TET1: variants seen among roughly 807,000 people sequenced by gnomAD.
The protein encoded by TET1 is tet methylcytosine dioxygenase 1, also known as methylcytosine dioxygenase TET1.
Under a neutral mutation model 148.7 loss-of-function variants are expected in TET1, and 13 were observed. That is an observed-to-expected ratio of 0.09 (90% CI 0.06 to 0.14). TET1 has a LOEUF of 0.14. TET1 is among the 10% of genes least tolerant of loss of function. The pLI is 1.00. For missense variants in TET1, 2,182 were observed against 2,553.8 expected (o/e 0.85, Z 3.14); for synonymous variants, 907 against 937.2 (o/e 0.97, Z 0.59).
At chr10:68,665,833 C>T (rs2055189479) in intron 6 of TET1, among the ~76,000 whole-genome samples, 1 of 152,112 alleles carries the variant, frequency 6.6e-6, no homozygotes, top group African/African-American at 2.4e-5. Flanking sequence ...GCCAACTCTA[C>T]TCAAGGGATG....
At chr10:68,640,548 T>TTTTC in intron 3 of TET1, among the ~76,000 whole-genome samples, 1 of 69,426 alleles carries the variant, frequency 1.4e-5, no homozygotes, top group Admixed American at 1.6e-4. Context: ...TTCTTTCTTT[T>TTTTC]TTTTTTTTTT....
rs764575804 is a variant in TET1 at position 68,687,008 on chromosome 10, G to A, written c.5404+301G>A. ...GTTCACGCCATTCTCCTGCCTCAGC[G>A]TCCTGCTTAGCTGGGACCACAGGCG... On this transcript the variant is annotated intron_variant, in intron 11 of 11. Transcript: ENST00000373644. Among the ~76,000 whole-genome samples, 354 of 151,622 alleles carry A rather than the reference G, an allele frequency of 2.3e-3. 11 individuals are homozygous for A. The highest frequency in any genetic ancestry group is 7.4e-4 in the Non-Finnish European group (50 of 67,916).
chr10:68,692,809 G>A lies in TET1; in HGVS notation c.*995G>A, dbSNP rs2055610842. ...TCCCACCTTTCTCAGTATAATCCATGAGAGGTGTTTCCAAAAGGAGATGAG... is the reference window on the plus strand; with the variant it reads ...TCCCACCTTTCTCAGTATAATCCATAAGAGGTGTTTCCAAAAGGAGATGAG... On this transcript the variant is annotated 3_prime_UTR_variant, in exon 12 of 12. Coordinates refer to ENST00000373644, the MANE Select transcript of TET1 (RefSeq NM_030625.3). 1 of 231,502 alleles carries A rather than the reference G, an allele frequency of 4.3e-6. No homozygotes were observed. The highest frequency in any genetic ancestry group is 8.5e-6 in the Non-Finnish European group (1 of 117,130). The allele number at this position is 231,502 out of a possible 1,614,324, so 14.3% of individuals were successfully genotyped here. A position where few individuals can be genotyped will look rare whatever the true frequency, so the allele number is the denominator to read the frequency against.
chr10:68,571,470 ATT>A (rs34243741), intron 1 of TET1, among the ~76,000 whole-genome samples: 3 of 136,150 alleles, frequency 2.2e-5, no homozygotes, highest in Non-Finnish European at 1.6e-5. Context: ...CACTCAGCTA[ATT>A]TTTTTTTTTT....
At chr10:68,679,106 G>T (rs1378113953) in intron 8 of TET1, among the ~76,000 whole-genome samples, 3 of 152,182 alleles carry the variant, frequency 2.0e-5, no homozygotes, top group Admixed American at 6.5e-5. Flanking sequence ...GAACCTGGGA[G>T]GTGGAGGATA....
intron 7 of TET1, 21 bp downstream of exon 7, chr10:68,667,277 C>T (rs1346007058): frequency 2.5e-6 from 4 of 1,585,084 alleles, no homozygotes; most frequent in South Asian, 1.1e-5. Context: ...CTGTTTTATA[C>T]TGCCTTACCA....
chr10:68,625,378 G>T (rs1490860919), intron 3 of TET1, among the ~76,000 whole-genome samples: 2 of 152,136 alleles, frequency 1.3e-5, no homozygotes, highest in Non-Finnish European at 2.9e-5. Flanking sequence ...GCCTGCCAAG[G>T]CTTCATCACA....
intron 10 of TET1, among the ~76,000 whole-genome samples, chr10:68,684,018 A>G (rs576304364): frequency 3.9e-5 from 6 of 152,152 alleles, no homozygotes; most frequent in Non-Finnish European, 7.3e-5. Flanking sequence ...AAGCAAGATC[A>G]ATAGAGAGCA....
intron 3 of TET1, among the ~76,000 whole-genome samples, chr10:68,638,765 TTGTGTG>T (rs59106736): frequency 0.26 from 37,004 of 140,730 alleles, 5,124 homozygotes; most frequent in Non-Finnish European, 0.33. Context: ...TGTATGGAGT[TTGTGTG>T]TGTGTGTGTG....
In TET1 at chr10:68,577,787, G is replaced by A. The variant is rs745484461; in HGVS notation, c.1914+3535G>A. 6.6e-5 allele frequency among the ~76,000 whole-genome samples: 10 copies of A among 152,110 alleles called. No individual in the cohort carries two copies. The East Asian group carries it at 1.4e-3, about 21-fold the overall frequency. On this transcript the variant is annotated intron_variant, in intron 2 of 11. Coordinates refer to ENST00000373644, the MANE Select transcript of TET1 (RefSeq NM_030625.3). ...CGCATAATTGCACTCCAGCATGGGC[G>A]ACAGAGCAAGACACTGTCTCAAAAA...
At chr10:68,673,172 AAT>A in intron 8 of TET1, 127 bp downstream of exon 8, 2 of 599,820 alleles carry the variant, frequency 3.3e-6, no homozygotes, top group Non-Finnish European at 5.0e-6. Flanking sequence ...CAAATAGTAA[AAT>A]TATATTTCTA....
At chr10:68,632,412 G>A in intron 3 of TET1, 2 of 1,611,546 alleles carry the variant, frequency 1.2e-6, no homozygotes, top group Non-Finnish European at 1.7e-6. Flanking sequence ...AGGAGAGGAA[G>A]TCCCTTAAGC....
At chr10:68,677,275 A>G (rs887542253) in intron 8 of TET1, among the ~76,000 whole-genome samples, 4 of 152,148 alleles carry the variant, frequency 2.6e-5, no homozygotes, top group South Asian at 2.1e-4. Flanking sequence ...AAGTGTATCA[A>G]TGGGAACTCA....
intron 3 of TET1, among the ~76,000 whole-genome samples, chr10:68,639,821 T>A (rs1427203990): frequency 1.3e-5 from 2 of 152,182 alleles, no homozygotes; most frequent in African/African-American, 4.8e-5. Flanking sequence ...GAGAAATACA[T>A]ACACTGAAAT....
In TET1 at chr10:68,572,752, T is replaced by A. The variant is rs1453145990; in HGVS notation, c.414T>A (p.His138Gln). 19 of 1,614,018 alleles carry A rather than the reference T, an allele frequency of 1.2e-5. No homozygotes were observed. The highest frequency in any genetic ancestry group is 1.5e-5 in the Non-Finnish European group (18 of 1,180,032). The change falls in exon 2 of 12, where the codon CAT becomes CAA. Residue 138 changes from histidine (H) to glutamine (Q), a missense_variant. Physicochemically the swap from His to Gln is conservative, Grantham distance 24. Coordinates refer to ENST00000373644, the MANE Select transcript of TET1 (RefSeq NM_030625.3). ...VPLSKGLEKQ[H>Q]DCDYKILPAL... The stretch of plus-strand genomic sequence containing the variant: ...TTTCTAAGGGTTTAGAAAAGCAACA[T>A]GATTGTGATTATAAGATACTCCCTG...
At position 68,624,826 on chromosome 10, in the gene TET1, G is replaced by C. The variant is rs186801112; in HGVS notation, c.1969-19872G>C. 7.0e-3 allele frequency among the ~76,000 whole-genome samples: 1,035 copies of C among 147,376 alleles called. 14 individuals are homozygous for C. The highest frequency in any genetic ancestry group is 0.024 in the African/African-American group (972 of 40,374). On this transcript the variant is annotated intron_variant, in intron 3 of 11. Transcript: ENST00000373644. ...AGCTCACTGCAAGCTCCGCCTTCCG[G>C]GTTCACGCCATTCTCCTGACTCAGC...
At chr10:68,598,662 A>G (rs1399566032) in intron 2 of TET1, among the ~76,000 whole-genome samples, 1 of 151,448 alleles carries the variant, frequency 6.6e-6, no homozygotes, top group Non-Finnish European at 1.5e-5. Context: ...AAGAGTTGAG[A>G]ACACCATATT....
intron 3 of TET1, among the ~76,000 whole-genome samples, chr10:68,613,896 C>T (rs2054252123): frequency 1.3e-5 from 2 of 151,554 alleles, no homozygotes; most frequent in South Asian, 4.2e-4. Context: ...CGAGATCGTG[C>T]CATTGCACTC....
At chr10:68,671,041 C>T (rs2055266115) in intron 7 of TET1, among the ~76,000 whole-genome samples, 2 of 152,058 alleles carry the variant, frequency 1.3e-5, no homozygotes, top group Non-Finnish European at 2.9e-5. Flanking sequence ...TAAAATCATG[C>T]AATCCTTTTT....
Sources: gnomAD v4.1 joint callset for allele counts (sites outside exome capture counted in the v4.1 genomes callset) on GRCh38, gnomAD v4.1.1 for gene constraint, MANE v1.5 for transcripts, NCBI Gene and HGNC (gene_info 2026-07-23, HGNC 2026-07-21) for gene names.